The following ATE1 variants were observed in gnomAD, a reference collection of about 807,000 sequenced individuals.
ATE1 encodes arginyltransferase 1.
A neutral mutation model predicts 70.5 loss-of-function variants in ATE1; 36 were observed. The observed-to-expected ratio is 0.51, with a 90% CI of 0.39 to 0.67. ATE1 has a LOEUF of 0.67. ATE1 is among the 30% of genes least tolerant of loss of function. The probability of loss-of-function intolerance (pLI) is 0.00; values close to 1 mark genes in which losing one functional copy is unlikely to be tolerated. For missense variants in ATE1, 593 were observed against 629.5 expected, an observed-to-expected ratio of 0.94 and a Z score of 0.62; for synonymous variants, 232 against 219.3, an observed-to-expected ratio of 1.06 and a Z score of -0.51.
At chr10:121,918,732 A>C (rs532456199) in intron 3 of ATE1, among the ~76,000 whole-genome samples, 2 of 149,352 alleles carry the variant, frequency 1.3e-5, no homozygotes, top group East Asian at 4.0e-4. Flanking sequence ...TTGTGTAATG[A>C]CACAGTGTCA....
chr10:121,911,203 T>C (rs1951411302), intron 4 of ATE1, 52 bp from the exon 5 acceptor site: 1 of 1,577,054 alleles, frequency 6.3e-7, no homozygotes, highest in Admixed American at 2.0e-5. Context: ...TTGATACAGT[T>C]AGGTAAATAC....
At chr10:121,807,969 C>G (rs1947164150) in intron 10 of ATE1, among the ~76,000 whole-genome samples, 1 of 152,232 alleles carries the variant, frequency 6.6e-6, no homozygotes, top group South Asian at 2.1e-4. Flanking sequence ...TGGCCCCCTA[C>G]AGAAAAAGTT....
intron 10 of ATE1, among the ~76,000 whole-genome samples, chr10:121,807,818 C>T (rs1590353146): frequency 6.6e-6 from 1 of 152,090 alleles, no homozygotes; most frequent in East Asian, 1.9e-4. Context: ...TGGTTGAAAA[C>T]ATATCAAAAG....
chr10:121,785,236 T>C (rs1365329826), intron 11 of ATE1, among the ~76,000 whole-genome samples: 1 of 152,190 alleles, frequency 6.6e-6, no homozygotes, highest in Non-Finnish European at 1.5e-5. Flanking sequence ...AAAGCTGAAT[T>C]CTGCATCTAA....
At chr10:121,768,791 C>G (rs1427725807) in intron 11 of ATE1, among the ~76,000 whole-genome samples, 1 of 152,008 alleles carries the variant, frequency 6.6e-6, no homozygotes, top group Non-Finnish European at 1.5e-5. Flanking sequence ...TATGTATGCC[C>G]TAAATTGCAA....
chr10:121,765,318 C>CT (rs1236443994), intron 11 of ATE1, among the ~76,000 whole-genome samples: 1 of 51,758 alleles, frequency 1.9e-5, no homozygotes, highest in Non-Finnish European at 6.0e-5. Context: ...AAAAAAAGCT[C>CT]TGCCAGACTC....
Position 121,790,257 on chromosome 10 carries a change from A to C in ATE1, c.1290T>G (p.Pro430=). The C allele has an allele frequency of 6.2e-7, 1 of 1,614,110 alleles. No individual in the cohort carries two copies. The highest frequency in any genetic ancestry group is 1.1e-5 in the South Asian group (1 of 91,086). The stretch of plus-strand genomic sequence containing the variant: ...CAATGGGTACCCAAACATATGTCTC[A>C]GGGCACAGCAAATCAGAAGGTCTAT... ...GQYRPSDLLC[P]ETYVWVPIEQ... Residue 430 remains proline, a synonymous_variant, in exon 11 of 12, where the codon CCT becomes CCG. Transcript: ENST00000224652.
chr10:121,814,485 A>G (rs1947457219), intron 10 of ATE1, among the ~76,000 whole-genome samples: 1 of 152,172 alleles, frequency 6.6e-6, no homozygotes, highest in South Asian at 2.1e-4. Flanking sequence ...CAGCACTGTC[A>G]TTTCCAACTT....
At position 121,904,613 on chromosome 10, in the gene ATE1, C is replaced by A. The variant is rs560755161; in HGVS notation, c.584-1993G>T. ...CTGAGACTGCGCCACTGCACTCCAG[C>A]CTGGGTGACAGAGCGAGACTCCGTC... On this transcript the variant is annotated intron_variant, in intron 5 of 11. Transcript: ENST00000224652. 7.4e-4 allele frequency among the ~76,000 whole-genome samples: 102 copies of A among 137,132 alleles called. 1 individual carries two copies. The highest frequency in any genetic ancestry group is 2.8e-3 in the African/African-American group (100 of 35,624). The allele number at this position is 137,132 out of a possible 152,430, so 90.0% of individuals were successfully genotyped here. A position where few individuals can be genotyped will look rare whatever the true frequency, so the allele number is the denominator to read the frequency against.
chr10:121,765,903 G>A (rs142495776), intron 11 of ATE1, among the ~76,000 whole-genome samples: 107 of 152,224 alleles, frequency 7.0e-4, no homozygotes, highest in African/African-American at 2.5e-3. Context: ...ATTAACAATA[G>A]GTTAAAAAGG....
intron 8 of ATE1, among the ~76,000 whole-genome samples, chr10:121,851,343 C>A (rs1949049678): frequency 6.6e-6 from 1 of 152,154 alleles, no homozygotes; most frequent in Admixed American, 6.5e-5. Flanking sequence ...TCACTTGAGC[C>A]TGGGAGGCAG....
At chr10:121,823,604 T>C (rs548701116) in intron 10 of ATE1, among the ~76,000 whole-genome samples, 7 of 152,296 alleles carry the variant, frequency 4.6e-5, no homozygotes, top group Non-Finnish European at 8.8e-5. Context: ...AGGAAGCACA[T>C]TTCCTTCTTC....
chr10:121,765,337 T>G (rs1945234545), intron 11 of ATE1, among the ~76,000 whole-genome samples: 2 of 132,006 alleles, frequency 1.5e-5, no homozygotes, highest in African/African-American at 2.8e-5. Context: ...TCTCAGACTC[T>G]CAAAGAAAAT....
intron 8 of ATE1, among the ~76,000 whole-genome samples, chr10:121,868,431 T>C (rs886928885): frequency 6.6e-6 from 1 of 152,228 alleles, no homozygotes; most frequent in Non-Finnish European, 1.5e-5. Context: ...TCTTTGTTTT[T>C]TGATACTTTC....
At position 121,917,738 on chromosome 10, in the gene ATE1, C is replaced by T. The variant is rs370335200; in HGVS notation, c.234-3845G>A. On this transcript the variant is annotated intron_variant, in intron 3 of 11. Transcript: ENST00000224652. ...AATTAGTTAAAATGTTTCAAGATGACTGCCTTAGGGGAACAGGAAATGGGA... is the reference window on the plus strand; with the variant it reads ...AATTAGTTAAAATGTTTCAAGATGATTGCCTTAGGGGAACAGGAAATGGGA... 2.6e-5 allele frequency among the ~76,000 whole-genome samples: 4 copies of T among 152,258 alleles called. No homozygotes were observed. The South Asian group carries it at 8.3e-4, about 32-fold the overall frequency.
chr10:121,927,348 T>C, intron 1 of ATE1: 1 of 985,230 alleles, frequency 1.0e-6, no homozygotes, highest in Non-Finnish European at 1.2e-6. Context: ...TAACTTTTTT[T>C]TTTTTTAACC....
intron 10 of ATE1, among the ~76,000 whole-genome samples, chr10:121,796,916 C>A (rs575727520): frequency 3.3e-5 from 5 of 152,160 alleles, no homozygotes; most frequent in African/African-American, 1.2e-4. Flanking sequence ...TCATATTGAT[C>A]CAATTTCTTA....
chr10:121,896,823 C>CA (rs869156572), intron 7 of ATE1, among the ~76,000 whole-genome samples: 2,890 of 28,312 alleles, frequency 0.1, 1,041 homozygotes, highest in African/African-American at 0.41. Context: ...GACTTTGTCT[C>CA]AAAAAAAAAA....
chr10:121,818,426 T>C (rs1167664851), intron 10 of ATE1, among the ~76,000 whole-genome samples: 1 of 152,116 alleles, frequency 6.6e-6, no homozygotes, highest in Admixed American at 6.6e-5. Flanking sequence ...ATGATTTCAG[T>C]AATATTTTAT....
Sources: gnomAD v4.1 joint callset for allele counts (sites outside exome capture counted in the v4.1 genomes callset) on GRCh38, gnomAD v4.1.1 for gene constraint, MANE v1.5 for transcripts, NCBI Gene and HGNC (gene_info 2026-07-23, HGNC 2026-07-21) for gene names.